WWP1: variants seen among roughly 807,000 people sequenced by gnomAD.
WWP1 encodes WW domain containing E3 ubiquitin protein ligase 1.
A neutral mutation model predicts 130.6 loss-of-function variants in WWP1; 49 were observed. The ratio of observed to expected loss-of-function variants is 0.38; its 90% confidence interval spans 0.30 to 0.48. The LOEUF (loss-of-function observed/expected upper bound fraction) is 0.48, where lower values mean the gene tolerates loss of function less well. WWP1 is among the 20% of genes least tolerant of loss of function. WWP1 has a pLI of 0.99. For missense variants in WWP1, 809 were observed against 1,100.6 expected (o/e 0.74, Z 3.75); for synonymous variants, 332 against 367.8 (o/e 0.90, Z 1.11).
At chr8:86,399,957 G>A (rs1807877398) in intron 7 of WWP1, among the ~76,000 whole-genome samples, 1 of 152,134 alleles carries the variant, frequency 6.6e-6, no homozygotes, top group African/African-American at 2.4e-5. Flanking sequence ...GTTACTTAAT[G>A]CCTGTTTGAT....
intron 1 of WWP1, among the ~76,000 whole-genome samples, chr8:86,348,224 CTT>C (rs936666069): frequency 1.4e-5 from 2 of 147,066 alleles, no homozygotes; most frequent in East Asian, 4.0e-4. Flanking sequence ...TTTCTTTTTT[CTT>C]TTTTTTTTTG....
intron 9 of WWP1, among the ~76,000 whole-genome samples, chr8:86,423,558 C>T (rs1307255058): frequency 6.6e-6 from 1 of 152,230 alleles, no homozygotes; most frequent in African/African-American, 2.4e-5. Flanking sequence ...CATAGATCAA[C>T]AGCATCCCAA....
intron 17 of WWP1, among the ~76,000 whole-genome samples, chr8:86,439,316 C>G (rs1450481666): frequency 7.0e-6 from 1 of 142,772 alleles, no homozygotes; most frequent in Non-Finnish European, 1.5e-5. Flanking sequence ...GCACTCCAGC[C>G]TGGGTGATGG....
intron 1 of WWP1, among the ~76,000 whole-genome samples, chr8:86,353,639 C>G (rs532727389): frequency 6.6e-6 from 1 of 152,168 alleles, no homozygotes; most frequent in East Asian, 1.9e-4. Context: ...ATTATAGGTA[C>G]GTGACACCTG....
At chr8:86,372,486 T>G (rs1824379757) in intron 2 of WWP1, among the ~76,000 whole-genome samples, 1 of 152,222 alleles carries the variant, frequency 6.6e-6, no homozygotes, top group African/African-American at 2.4e-5. Flanking sequence ...CCCTGTCTCT[T>G]AAGAAATCCT....
At chr8:86,440,402 T>C (rs1810527935) in intron 17 of WWP1, among the ~76,000 whole-genome samples, 1 of 152,230 alleles carries the variant, frequency 6.6e-6, no homozygotes, top group Non-Finnish European at 1.5e-5. Context: ...ATGTTCTCTG[T>C]TGCTTTTACA....
intron 1 of WWP1, among the ~76,000 whole-genome samples, chr8:86,360,871 G>A (rs1823553575): frequency 6.6e-6 from 1 of 152,196 alleles, no homozygotes; most frequent in South Asian, 2.1e-4. Flanking sequence ...TTTCTGAAGA[G>A]ATCATATATA....
chr8:86,420,502 G>A (rs1809142211), intron 9 of WWP1, among the ~76,000 whole-genome samples: 1 of 152,156 alleles, frequency 6.6e-6, no homozygotes. Context: ...TGGTTGGGAG[G>A]AGGGTAAGTG....
At chr8:86,402,912 T>A (rs1339427095) in intron 8 of WWP1, among the ~76,000 whole-genome samples, 2 of 152,208 alleles carry the variant, frequency 1.3e-5, no homozygotes, top group Non-Finnish European at 2.9e-5. Context: ...ATTCTTGGCA[T>A]CTAACTTGGT....
At chr8:86,416,224 G>A (rs574328850) in intron 9 of WWP1, among the ~76,000 whole-genome samples, 1 of 152,342 alleles carries the variant, frequency 6.6e-6, no homozygotes, top group Admixed American at 6.5e-5. Context: ...TGTGATAGAG[G>A]ACTCTTTGGA....
At chr8:86,444,349 C>T (rs1810748133) in intron 18 of WWP1, among the ~76,000 whole-genome samples, 1 of 152,070 alleles carries the variant, frequency 6.6e-6, no homozygotes, top group Non-Finnish European at 1.5e-5. Flanking sequence ...TAGACATCCA[C>T]ATGGAGATGT....
intron 20 of WWP1, among the ~76,000 whole-genome samples, chr8:86,449,228 T>C (rs1222475427): frequency 6.6e-6 from 1 of 152,256 alleles, no homozygotes; most frequent in Non-Finnish European, 1.5e-5. Flanking sequence ...CTTCTCTAAA[T>C]ATTCTGCTAA....
Position 86,374,035 on chromosome 8 carries a change from A to G in WWP1, c.-16A>G, listed in dbSNP as rs1311025408. On this transcript the variant is annotated 5_prime_UTR_variant, in exon 3 of 25. Coordinates refer to ENST00000517970, the MANE Select transcript of WWP1 (RefSeq NM_007013.4). ...ATTCCCCTTTTTTAAAATAGGTTTTAGCTGAATTTTGGGACATGGCCACTG... is the reference window on the plus strand; with the variant it reads ...ATTCCCCTTTTTTAAAATAGGTTTTGGCTGAATTTTGGGACATGGCCACTG... The G allele has an allele frequency of 1.9e-6, 3 of 1,600,290 alleles. No homozygotes were observed. Among genetic ancestry groups the G allele is most frequent in the East Asian group, 4.5e-5 (2 of 44,330 alleles).
At position 86,435,657 on chromosome 8, in the gene WWP1, A is replaced by G. The variant is rs1810249614; in HGVS notation, c.1702A>G (p.Lys568Glu). 1.9e-6 allele frequency: 3 copies of G among 1,613,038 alleles called. No homozygotes were observed. Among genetic ancestry groups the G allele is most frequent in the Non-Finnish European group, 2.5e-6 (3 of 1,179,888 alleles). Residue 568 changes from lysine (K) to glutamate (E), a missense_variant, in exon 16 of 25, where the codon AAG becomes GAG. This residue lies in a region of WWP1 where 450 missense variants were observed against 674.2 expected (regional missense o/e 0.67). Transcript: ENST00000517970. ...CQSNALPSHV[K>E]INVSRQTLFE... ...GTCTAATGCACTACCTAGTCATGTA[A>G]AGATCAATGTGTCCCGGCAGACATT...
rs141874808 is a variant in WWP1 at position 86,374,764 on chromosome 8, C to T, written c.70+644C>T. ...TCACTTTCTCTCCCTGGCTGGAGTA[C>T]GGTGGCGCAAACATACCTCCTTGTA... is the stretch of plus-strand genomic sequence containing the variant. On this transcript the variant is annotated intron_variant, in intron 3 of 24. Coordinates refer to ENST00000517970, the MANE Select transcript of WWP1 (RefSeq NM_007013.4). Among the ~76,000 whole-genome samples the T allele has an allele frequency of 2.9e-3, 439 of 151,800 alleles. 1 individual carries two copies. Among genetic ancestry groups the T allele is most frequent in the Non-Finnish European group, 5.2e-3 (352 of 67,950 alleles).
At chr8:86,348,624 A>G (rs537028710) in intron 1 of WWP1, among the ~76,000 whole-genome samples, 2 of 152,336 alleles carry the variant, frequency 1.3e-5, no homozygotes, top group South Asian at 4.1e-4. Context: ...GAGATGACAG[A>G]TATGAAGCCT....
intron 7 of WWP1, among the ~76,000 whole-genome samples, chr8:86,401,329 A>C (rs1191834594): frequency 6.6e-6 from 1 of 152,072 alleles, no homozygotes; most frequent in African/African-American, 2.4e-5. Context: ...GGGGGTCAAG[A>C]TGGGAGGATC....
At chr8:86,362,178 A>AC (rs1563465931) in intron 1 of WWP1, among the ~76,000 whole-genome samples, 6 of 124,570 alleles carry the variant, frequency 4.8e-5, no homozygotes, top group African/African-American at 9.6e-5. Flanking sequence ...ATATATATAT[A>AC]TATATATATA....
At chr8:86,391,850 CT>C (rs1259611988) in intron 5 of WWP1, among the ~76,000 whole-genome samples, 3 of 152,090 alleles carry the variant, frequency 2.0e-5, no homozygotes, top group Admixed American at 6.6e-5. Context: ...AAGCCCTATC[CT>C]TCCCAATGAT....
Sources: gnomAD v4.1 joint callset for allele counts (sites outside exome capture counted in the v4.1 genomes callset) on GRCh38, gnomAD v4.1.1 for gene constraint, gnomAD v4.1.1 regional missense constraint, MANE v1.5 for transcripts, NCBI Gene and HGNC (gene_info 2026-07-23, HGNC 2026-07-21) for gene names.